The following RECQL variants were observed in gnomAD, a reference collection of about 807,000 sequenced individuals.
The protein encoded by RECQL is ATP-dependent DNA helicase Q1.
RECQL carries 73 observed loss-of-function variants against 75.8 expected under a neutral mutation model. The ratio of observed to expected loss-of-function variants is 0.96; its 90% CI spans 0.80 to 1.17. The LOEUF (loss-of-function observed/expected upper bound fraction) is 1.17. Among genes scored for constraint, RECQL ranks in the 50% most tolerant of loss-of-function variants. The pLI, the probability that RECQL is intolerant of heterozygous loss-of-function variation, is 0.00. For synonymous variants in RECQL, 248 were observed against 254.4 expected (o/e 0.97, Z 0.24); for missense variants, 699 against 772.1 (o/e 0.91, Z 1.12).
At chr12:21,471,223 A>C in intron 13 of RECQL, 125 bp from the exon 14 acceptor site, 1 of 1,100,434 alleles carries the variant, frequency 9.1e-7, no homozygotes, top group Non-Finnish European at 1.3e-6. Context: ...AAAATTTACA[A>C]GAATGCAAAT....
At chr12:21,498,560 A>C (rs1943550164) in intron 2 of RECQL, among the ~76,000 whole-genome samples, 1 of 152,194 alleles carries the variant, frequency 6.6e-6, no homozygotes, top group Admixed American at 6.5e-5. Context: ...ACAAATGAAC[A>C]GGCAAAGAAG....
At chr12:21,490,092 C>A in intron 4 of RECQL, 107 bp downstream of exon 4, 2 of 525,134 alleles carry the variant, frequency 3.8e-6, no homozygotes, top group Admixed American at 3.6e-5. Context: ...AACAAAAATG[C>A]ACTTGATTTT....
rs1208993475 is a variant in RECQL, at chr12:21,475,772, CA to C, written c.1001del (p.Leu334CysfsTer34). 6 of 1,613,206 alleles carry C rather than the reference CA, an allele frequency of 3.7e-6. No individual in the cohort carries two copies. Among genetic ancestry groups the C allele is most frequent in the Non-Finnish European group, 5.1e-6 (6 of 1,179,334 alleles). On this transcript the variant is annotated frameshift_variant, in exon 9 of 15. Coordinates refer to ENST00000444129, the MANE Select transcript of RECQL (RefSeq NM_002907.4). LOFTEE classifies it high-confidence loss of function. Reference sequence around the variant, plus strand: ...CACCTGCATGAATTCCCAGATTCTGCAAACTAACCGTAACTTGTTCAGAGTC... The same window carrying C: ...CACCTGCATGAATTCCCAGATTCTGCAACTAACCGTAACTTGTTCAGAGTC... ...QKDSEQVTVS[L>X]QNLGIHAGAY...
At chr12:21,498,165 A>G (rs982813885) in intron 2 of RECQL, among the ~76,000 whole-genome samples, 1 of 152,212 alleles carries the variant, frequency 6.6e-6, no homozygotes, top group African/African-American at 2.4e-5. Flanking sequence ...TGGTCTAACT[A>G]TGTTCACCAA....
chr12:21,475,341 G>T, intron 10 of RECQL, 127 bp downstream of exon 10: 1 of 640,274 alleles, frequency 1.6e-6, no homozygotes, highest in Non-Finnish European at 2.6e-6. Flanking sequence ...GTGTCAAACT[G>T]CTAAAAATAC....
At chr12:21,475,919 C>T in intron 8 of RECQL, 95 bp from the exon 9 acceptor site, 2 of 968,250 alleles carry the variant, frequency 2.1e-6, no homozygotes, top group East Asian at 2.5e-5. Context: ...TAATACAATG[C>T]ACAGAAGGAA....
At chr12:21,490,640 G>A (rs1447492731) in intron 3 of RECQL, among the ~76,000 whole-genome samples, 3 of 152,106 alleles carry the variant, frequency 2.0e-5, no homozygotes. Flanking sequence ...GAGCTCAGGA[G>A]TTCGAGACCA....
At chr12:21,498,223 G>A (rs1196943060) in intron 2 of RECQL, among the ~76,000 whole-genome samples, 2 of 152,240 alleles carry the variant, frequency 1.3e-5, no homozygotes, top group African/African-American at 4.8e-5. Flanking sequence ...GCATTTTGCA[G>A]ACTCAATTAT....
rs1236984074 is a variant in RECQL at position 21,471,455 on chromosome 12, G to A, written c.1640C>T (p.Ala547Val). 6.2e-7 allele frequency: 1 copy of A among 1,612,852 alleles called. No homozygotes were observed. Among genetic ancestry groups the A allele is most frequent in the Non-Finnish European group, 8.5e-7 (1 of 1,179,192 alleles). The change falls in exon 13 of 15, where the codon GCA becomes GTA. Residue 547 changes from alanine (A) to valine (V), a missense_variant. By Grantham distance (64) the Ala-to-Val change is moderately conservative. Around this residue, in one of 2 missense-constraint regions of RECQL, gnomAD observed 669 missense variants for 713.5 expected, o/e 0.94. Coordinates refer to ENST00000444129, the MANE Select transcript of RECQL (RefSeq NM_002907.4). The stretch of plus-strand genomic sequence containing the variant: ...AAGATACTGCTGTATTAGAAAGTGT[G>A]CAATAATCTTCTCCAGATCTTCACG... The part of the protein sequence containing the change: ...LPREDLEKII[A>V]HFLIQQYLKE...
intron 5 of RECQL, among the ~76,000 whole-genome samples, chr12:21,483,913 T>C (rs1187988873): frequency 6.6e-6 from 1 of 152,178 alleles, no homozygotes. Context: ...AAATGTGAGC[T>C]AGATGCAATT....
intron 11 of RECQL, among the ~76,000 whole-genome samples, chr12:21,474,442 A>T (rs1297768917): frequency 3.3e-5 from 5 of 152,054 alleles, no homozygotes; most frequent in Admixed American, 1.3e-4. Context: ...TCTTAAGGAG[A>T]AACTTGGTAT....
At chr12:21,487,148 G>A (rs138948102) in intron 4 of RECQL, among the ~76,000 whole-genome samples, 1 of 152,076 alleles carries the variant, frequency 6.6e-6, no homozygotes, top group African/African-American at 2.4e-5. Flanking sequence ...TAAAAATAAA[G>A]ACAGATTTTT....
intron 12 of RECQL, 71 bp from the exon 13 acceptor site, chr12:21,471,718 T>A: frequency 8.2e-7 from 1 of 1,224,300 alleles, no homozygotes; most frequent in Non-Finnish European, 1.2e-6. Context: ...CTATCTTAAG[T>A]AGTTAAACTG....
At chr12:21,477,234 G>C (rs1259710482) in intron 7 of RECQL, among the ~76,000 whole-genome samples, 1 of 152,046 alleles carries the variant, frequency 6.6e-6, no homozygotes, top group Non-Finnish European at 1.5e-5. Context: ...TAACTTGCAA[G>C]GATGCAGACT....
intron 13 of RECQL, 79 bp from the exon 14 acceptor site, chr12:21,471,177 T>C: frequency 1.5e-6 from 2 of 1,336,032 alleles, no homozygotes; most frequent in East Asian, 5.0e-5. Context: ...AATAACTATA[T>C]GCGCAGTAAT....
intron 13 of RECQL, 24 bp downstream of exon 13, chr12:21,471,404 A>T: frequency 6.3e-7 from 1 of 1,577,292 alleles, no homozygotes; most frequent in Non-Finnish European, 8.6e-7. Context: ...AACCTGAAAG[A>T]ATAATGAATG....
intron 2 of RECQL, among the ~76,000 whole-genome samples, chr12:21,496,527 T>G (rs572560455): frequency 1.3e-5 from 2 of 152,278 alleles, no homozygotes; most frequent in South Asian, 4.1e-4. Context: ...TTACACTAGC[T>G]CTCTGCATTG....
In RECQL at chr12:21,473,870, A is replaced by G. The variant is rs79395947; in HGVS notation, c.1356-228T>C. On this transcript the variant is annotated intron_variant, in intron 11 of 14. Transcript: ENST00000444129. ...AATCAGAGTGTCAGGTTCTTCTCAC[A>G]TCACACAATCTAAAATAATCTCCCT... is the stretch of plus-strand genomic sequence containing the variant. Among the ~76,000 whole-genome samples the G allele has an allele frequency of 3.8e-4, 58 of 152,200 alleles. No individual in the cohort carries two copies. In the East Asian group the frequency reaches 0.011, roughly 28 times the overall value.
rs746184083 is a variant in RECQL at position 21,477,989 on chromosome 12, G to A, written c.701-20C>T. 1 of 1,583,058 alleles carries A rather than the reference G, an allele frequency of 6.3e-7. No homozygotes were observed. Among genetic ancestry groups the A allele is most frequent in the Non-Finnish European group, 8.6e-7 (1 of 1,166,902 alleles). On this transcript the variant is annotated intron_variant, in intron 6 of 14. Coordinates refer to ENST00000444129, the MANE Select transcript of RECQL (RefSeq NM_002907.4). ...TATAATCTGAAAAAACAAACAAAGT[G>A]GCCCTTTTTCTATCCTTTAAGAGTT...
Sources: gnomAD v4.1 joint callset for allele counts (sites outside exome capture counted in the v4.1 genomes callset) on GRCh38, gnomAD v4.1.1 for gene constraint, gnomAD v4.1.1 regional missense constraint, MANE v1.5 for transcripts, NCBI Gene and HGNC (gene_info 2026-07-23, HGNC 2026-07-21) for gene names.